NF1: variants seen among roughly 807,000 people sequenced by gnomAD.
NF1 encodes neurofibromin 1.
In NF1, 122 loss-of-function variants were observed where a neutral mutation model predicts 325.7. That is an observed-to-expected ratio of 0.37 (90% confidence interval 0.32 to 0.44). The LOEUF (loss-of-function observed/expected upper bound fraction) is 0.44, where lower values mean the gene tolerates loss of function less well. Ranked by LOEUF, NF1 falls within the 20% of genes least tolerant of loss-of-function variation. The pLI is 1.00. For synonymous variants in NF1, 1,091 were observed against 1,186.0 expected, an observed-to-expected ratio of 0.92 and a Z score of 1.65; for missense variants, 2,140 against 3,415.4, an observed-to-expected ratio of 0.63 and a Z score of 9.31.
At chr17:31,279,861 A>C (rs893719744) in intron 36 of NF1, among the ~76,000 whole-genome samples, 1 of 152,182 alleles carries the variant, frequency 6.6e-6, no homozygotes. Context: ...TAATACTGTA[A>C]GTCTGTTATC....
chr17:31,246,397 A>G (rs1449496681), intron 29 of NF1, among the ~76,000 whole-genome samples: 1 of 152,264 alleles, frequency 6.6e-6, no homozygotes, highest in Non-Finnish European at 1.5e-5. Context: ...GCCACACAGC[A>G]AACTCTAAGG....
At chr17:31,230,718 G>A in intron 23 of NF1, 124 bp from the exon 24 acceptor site, 1 of 776,118 alleles carries the variant, frequency 1.3e-6, no homozygotes, top group Non-Finnish European at 2.2e-6. Flanking sequence ...CTTTTATAAA[G>A]TCGTCATGTC....
At chr17:31,152,804 A>G (rs1917043145) in intron 1 of NF1, among the ~76,000 whole-genome samples, 1 of 149,686 alleles carries the variant, frequency 6.7e-6, no homozygotes, top group African/African-American at 2.5e-5. Context: ...GGAAACTTTG[A>G]TTTTCTGTTG....
At chr17:31,209,391 G>A (rs1051736371) in intron 12 of NF1, among the ~76,000 whole-genome samples, 6 of 152,140 alleles carry the variant, frequency 3.9e-5, no homozygotes, top group African/African-American at 1.4e-4. Flanking sequence ...TTGTATTTTG[G>A]AGAGACAAGT....
chr17:31,326,430 G>A (rs566153008), intron 37 of NF1, among the ~76,000 whole-genome samples, 178 bp downstream of exon 37: 111 of 152,158 alleles, frequency 7.3e-4, no homozygotes, highest in African/African-American at 2.3e-3. Flanking sequence ...GGCAGATCAC[G>A]TGAGGTCAGG....
intron 1 of NF1, among the ~76,000 whole-genome samples, chr17:31,153,434 A>T (rs1478183042): frequency 6.6e-6 from 1 of 152,190 alleles, no homozygotes; most frequent in Non-Finnish European, 1.5e-5. Flanking sequence ...CTTTTATCAT[A>T]GGCCTTTTTC....
At chr17:31,371,017 GA>G (rs1311321626) in intron 57 of NF1, among the ~76,000 whole-genome samples, 9 of 148,624 alleles carry the variant, frequency 6.1e-5, no homozygotes, top group East Asian at 5.9e-4. Context: ...ATGCCAAAGG[GA>G]AAAAAAAAAG....
intron 51 of NF1, among the ~76,000 whole-genome samples, chr17:31,352,755 G>T (rs2070182157): frequency 6.6e-6 from 1 of 152,014 alleles, no homozygotes; most frequent in Non-Finnish European, 1.5e-5. Context: ...GCACTCAGGG[G>T]ATTTAATGAT....
intron 1 of NF1, among the ~76,000 whole-genome samples, chr17:31,124,238 T>A (rs535914124): frequency 3.9e-5 from 6 of 151,948 alleles, no homozygotes; most frequent in Admixed American, 3.9e-4. Context: ...TATTTTTAAT[T>A]TTTTTTTGCA....
intron 1 of NF1, among the ~76,000 whole-genome samples, chr17:31,150,086 G>C (rs1265880583): frequency 2.0e-5 from 3 of 152,158 alleles, no homozygotes; most frequent in Non-Finnish European, 4.4e-5. Context: ...TATACAGGTC[G>C]AGTATCCCGT....
rs1225702258 is a variant in NF1, at chr17:31,336,670, A to G, written c.6183A>G (p.Thr2061=). ...GGATGTGCAAAATAATTGACAAGAC[A>G]TGCTTATCTCCAACTCCTACTTTAG... The part of the protein sequence containing the change: ...IGRMCKIIDK[T]CLSPTPTLEQ... Residue 2061 remains threonine (T), a synonymous_variant, in exon 42 of 58, where the codon ACA becomes ACG. Coordinates refer to ENST00000358273, the MANE Select transcript of NF1 (RefSeq NM_001042492.3). The surrounding 1 kb of genome is among the most constrained non-coding windows in gnomAD (Gnocchi z 5.5). The G allele has an allele frequency of 2.5e-6, 4 of 1,613,670 alleles. No individual in the cohort carries two copies. The highest frequency in any genetic ancestry group is 1.3e-5 in the African/African-American group (1 of 74,936).
chr17:31,335,295 T>TATATATATATATATATATATATATAA (rs2069630412), intron 40 of NF1, among the ~76,000 whole-genome samples: 3 of 128,918 alleles, frequency 2.3e-5, no homozygotes, highest in African/African-American at 9.7e-5. Flanking sequence ...TATATATATA[T>TATATATATATATATATATATATATAA]AATTATGCCT....
In NF1 at chr17:31,226,539, T is replaced by C. The variant is rs2151425799; in HGVS notation, c.2106T>C (p.Ala702=). The C allele has an allele frequency of 6.2e-7, 1 of 1,613,914 alleles. No individual in the cohort carries two copies. The highest frequency in any genetic ancestry group is 1.1e-5 in the South Asian group (1 of 91,074). The change falls in exon 18 of 58, where the codon GCT becomes GCC. Residue 702 remains alanine (A), a synonymous_variant. Coordinates refer to ENST00000358273, the MANE Select transcript of NF1 (RefSeq NM_001042492.3). The part of the protein sequence containing the change: ...YMFLWNPDTE[A]VLVAMSCFRH... ...TTCTGTGGAACCCTGACACTGAAGC[T>C]GTTCTGGTTGCCATGTCCTGTTTCC...
chr17:31,181,326 G>A (rs2066127925), intron 5 of NF1, 96 bp from the exon 6 acceptor site: 2 of 1,150,218 alleles, frequency 1.7e-6, no homozygotes, highest in Admixed American at 2.0e-5. Flanking sequence ...TAATATTGGA[G>A]CAAAAGTAAT....
chr17:31,359,740 G>C (rs17879775), intron 56 of NF1: 9,512 of 154,438 alleles, frequency 0.062, 687 homozygotes, highest in African/African-American at 0.17. Context: ...TTACAGGCAT[G>C]AGCCACCGCA....
chr17:31,364,947 T>G (rs2151592407), intron 57 of NF1, among the ~76,000 whole-genome samples: 1 of 152,300 alleles, frequency 6.6e-6, no homozygotes, highest in Non-Finnish European at 1.5e-5. Context: ...TTATGATCCT[T>G]ATTAGGTCCA....
At chr17:31,157,797 A>G (rs1482267855) in intron 2 of NF1, among the ~76,000 whole-genome samples, 1 of 111,796 alleles carries the variant, frequency 8.9e-6, no homozygotes, top group African/African-American at 1.1e-4. Flanking sequence ...GTCTCTACTA[A>G]AAAAAAAAAA....
intron 42 of NF1, 102 bp downstream of exon 42, chr17:31,337,016 A>G (rs2069694778): frequency 1.5e-6 from 2 of 1,294,008 alleles, no homozygotes; most frequent in Non-Finnish European, 2.2e-6. Context: ...TCTAACACCA[A>G]GTTGCTAATT....
chr17:31,156,402 T>C (rs918487616), intron 2 of NF1, among the ~76,000 whole-genome samples: 1 of 152,230 alleles, frequency 6.6e-6, no homozygotes, highest in African/African-American at 2.4e-5. Context: ...TTTGTGACCA[T>C]GTCTCCTTTT....
Sources: gnomAD v4.1 joint callset for allele counts (sites outside exome capture counted in the v4.1 genomes callset) on GRCh38, gnomAD v4.1.1 for gene constraint, Gnocchi (gnomAD v3.1) non-coding constraint, MANE v1.5 for transcripts, NCBI Gene and HGNC (gene_info 2026-07-23, HGNC 2026-07-21) for gene names.